FARS2: variants seen among roughly 807,000 people sequenced by gnomAD.
FARS2 encodes phenylalanyl-tRNA synthetase 2, mitochondrial, also known as phenylalanine--tRNA ligase, mitochondrial.
In FARS2, 40 loss-of-function variants were observed where a neutral mutation model predicts 46.4. The observed-to-expected ratio is 0.86, with a 90% CI of 0.67 to 1.12. FARS2 has a LOEUF of 1.12. FARS2 is among the 50% of genes most tolerant of loss of function. FARS2 has a pLI of 0.00. For synonymous variants in FARS2, 234 were observed against 214.9 expected (o/e 1.09, Z -0.78); for missense variants, 513 against 567.9 (o/e 0.90, Z 0.98).
rs1225054763 is a variant in FARS2 at position 5,582,560 on chromosome 6, C to A, written c.1066-30609C>A. ...GTACACAACTATCAGGTGGCCCATA[C>A]GAAATTGCTTTTTTAGGTATCAAAA... On this transcript the variant is annotated intron_variant, in intron 5 of 6. Transcript: ENST00000274680. 2.6e-5 allele frequency among the ~76,000 whole-genome samples: 4 copies of A among 152,186 alleles called. No individual in the cohort carries two copies. In the East Asian group the frequency reaches 7.7e-4, roughly 29 times the overall value.
At chr6:5,665,463 A>G (rs979687626) in intron 6 of FARS2, 2 of 152,196 alleles carry the variant, frequency 1.3e-5, no homozygotes, top group Non-Finnish European at 2.9e-5. Context: ...CAGACTCTAG[A>G]GAGATTTGAG....
intron 6 of FARS2, among the ~76,000 whole-genome samples, chr6:5,713,824 C>G (rs1239497352): frequency 5.9e-5 from 9 of 152,218 alleles, no homozygotes; most frequent in African/African-American, 1.9e-4. Context: ...CGGCCCCTCC[C>G]CAGCCAAGTG....
chr6:5,267,745 C>T (rs1765647999), intron 1 of FARS2, among the ~76,000 whole-genome samples: 1 of 127,288 alleles, frequency 7.9e-6, no homozygotes. Flanking sequence ...CACAGCGAGA[C>T]TGTCTCAAAA....
intron 3 of FARS2, among the ~76,000 whole-genome samples, chr6:5,422,921 C>G (rs911236641): frequency 2.0e-5 from 3 of 152,138 alleles, no homozygotes; most frequent in Admixed American, 2.0e-4. Flanking sequence ...ACACACTTCC[C>G]CATGCTGAAT....
intron 5 of FARS2, among the ~76,000 whole-genome samples, chr6:5,556,118 C>T (rs1771641505): frequency 6.6e-6 from 1 of 152,122 alleles, no homozygotes; most frequent in South Asian, 2.1e-4. Flanking sequence ...TTGCATCCTA[C>T]AGTCTATCTT....
intron 6 of FARS2, among the ~76,000 whole-genome samples, chr6:5,684,966 C>T (rs969543452): frequency 6.6e-6 from 1 of 152,064 alleles, no homozygotes; most frequent in African/African-American, 2.4e-5. Context: ...TAAGTGGAGC[C>T]GGAGAGCAAT....
chr6:5,547,326 G>C (rs1456944937), intron 5 of FARS2, among the ~76,000 whole-genome samples: 1 of 149,990 alleles, frequency 6.7e-6, no homozygotes, highest in Non-Finnish European at 1.5e-5. Flanking sequence ...TGTTGTGGTT[G>C]TTTTCCCTTC....
chr6:5,655,918 C>T (rs958891906), intron 6 of FARS2, among the ~76,000 whole-genome samples: 2 of 152,150 alleles, frequency 1.3e-5, no homozygotes, highest in Admixed American at 1.3e-4. Context: ...AACTCACTTC[C>T]CTGTTATAAA....
At chr6:5,458,946 G>A (rs1489088170) in intron 4 of FARS2, among the ~76,000 whole-genome samples, 2 of 152,204 alleles carry the variant, frequency 1.3e-5, no homozygotes, top group East Asian at 1.9e-4. Context: ...GATGGTGGTA[G>A]TAGTTTTTAT....
intron 2 of FARS2, among the ~76,000 whole-genome samples, chr6:5,394,627 A>G (rs1311650530): frequency 6.6e-6 from 1 of 152,188 alleles, no homozygotes; most frequent in Non-Finnish European, 1.5e-5. Context: ...GTACCTAATT[A>G]GAAAATGTCG....
intron 3 of FARS2, among the ~76,000 whole-genome samples, chr6:5,430,014 AT>A (rs1472719171): frequency 3.3e-5 from 5 of 151,502 alleles, no homozygotes; most frequent in Non-Finnish European, 5.9e-5. Context: ...TTTTGTCATT[AT>A]TTTTATTTGC....
intron 4 of FARS2, among the ~76,000 whole-genome samples, chr6:5,470,734 C>A (rs1390541571): frequency 1.3e-5 from 2 of 152,046 alleles, no homozygotes; most frequent in Non-Finnish European, 2.9e-5. Context: ...ATTAAAAATT[C>A]CAAGAAAAAC....
intron 6 of FARS2, among the ~76,000 whole-genome samples, chr6:5,737,937 G>A (rs531491269): frequency 2.6e-5 from 4 of 152,228 alleles, no homozygotes; most frequent in East Asian, 3.9e-4. Context: ...TTCAGAATTC[G>A]TTGTTATTAT....
intron 1 of FARS2, among the ~76,000 whole-genome samples, chr6:5,332,036 T>C (rs1335099145): frequency 1.3e-5 from 2 of 152,116 alleles, no homozygotes; most frequent in Non-Finnish European, 2.9e-5. Flanking sequence ...GTCAATGAAA[T>C]AGATATTCCT....
rs559845472 is a variant in FARS2 at position 5,690,566 on chromosome 6, C to T, written c.1217+77246C>T. 9.9e-5 allele frequency among the ~76,000 whole-genome samples: 15 copies of T among 151,416 alleles called. No individual in the cohort carries two copies. In the East Asian group the frequency reaches 1.4e-3, roughly 14 times the overall value. On this transcript the variant is annotated intron_variant, in intron 6 of 6. Coordinates refer to ENST00000274680, the MANE Select transcript of FARS2 (RefSeq NM_006567.5). Reference sequence around the variant, plus strand: ...CTTGTAGAGTTTCTGCCGAGAGATCCGCTGTTAGTCTGATGGGCTTCCCTT... The same window carrying T: ...CTTGTAGAGTTTCTGCCGAGAGATCTGCTGTTAGTCTGATGGGCTTCCCTT...
chr6:5,523,922 C>A (rs1172341248), intron 4 of FARS2, among the ~76,000 whole-genome samples: 1 of 152,130 alleles, frequency 6.6e-6, no homozygotes, highest in Non-Finnish European at 1.5e-5. Context: ...TTTCTTTTCC[C>A]TAGGAGTGAG....
At chr6:5,363,482 G>A (rs1292992177) in intron 1 of FARS2, among the ~76,000 whole-genome samples, 4 of 151,174 alleles carry the variant, frequency 2.6e-5, no homozygotes, top group South Asian at 2.1e-4. Flanking sequence ...TTCTTCCCGC[G>A]TCTTCCACCC....
rs1289904723 is a variant in FARS2 at position 5,500,941 on chromosome 6, A to T, written c.905-44239A>T. Among the ~76,000 whole-genome samples the T allele has an allele frequency of 2.0e-4, 8 of 40,814 alleles. No homozygotes were observed. The South Asian group carries it at 2.6e-3, about 13-fold the overall frequency. The allele number at this position is 40,814 out of a possible 152,430, so 26.8% of individuals were successfully genotyped here. A position where few individuals can be genotyped will look rare whatever the true frequency, so the allele number is the denominator to read the frequency against. On this transcript the variant is annotated intron_variant, in intron 4 of 6. Transcript: ENST00000274680. ...GTCAAGCTTCAAATCCCCGAGAGAG[A>T]GAGAGAGAGAGAGAGAGAGAGAGAG...
chr6:5,746,286 T>C (rs1381119514), intron 6 of FARS2, among the ~76,000 whole-genome samples: 1 of 152,068 alleles, frequency 6.6e-6, no homozygotes, highest in African/African-American at 2.4e-5. Context: ...CCTTAGATGG[T>C]GCGTGGAAGA....
Sources: gnomAD v4.1 joint callset for allele counts (sites outside exome capture counted in the v4.1 genomes callset) on GRCh38, gnomAD v4.1.1 for gene constraint, MANE v1.5 for transcripts, NCBI Gene and HGNC (gene_info 2026-07-23, HGNC 2026-07-21) for gene names.